The following CPXM2 variants were observed in gnomAD, a reference collection of about 807,000 sequenced individuals.
The protein encoded by CPXM2 is carboxypeptidase X, M14 family member 2, also known as inactive carboxypeptidase-like protein X2.
Under a neutral mutation model 86.1 loss-of-function variants are expected in CPXM2, and 66 were observed. The observed-to-expected ratio is 0.77, with a 90% CI of 0.63 to 0.94. The LOEUF is 0.94. CPXM2 is among the 40% of genes least tolerant of loss of function. The pLI, the probability that CPXM2 is intolerant of heterozygous loss-of-function variation, is 0.00. For synonymous variants in CPXM2, 388 were observed against 400.2 expected, an observed-to-expected ratio of 0.97 and a Z score of 0.36; for missense variants, 948 against 1,026.3, an observed-to-expected ratio of 0.92 and a Z score of 1.04.
intron 11 of CPXM2, 101 bp downstream of exon 11, chr10:123,761,771 T>TTAGTGACAACAGGACAG (rs1269654730): frequency 1.6e-6 from 2 of 1,215,392 alleles, no homozygotes; most frequent in Admixed American, 4.8e-5. Flanking sequence ...CAGCCACCAC[T>TTAGTGACAACAGGACAG]TAGTGACAAC....
At chr10:123,775,168 A>G (rs1003061248) in intron 7 of CPXM2, among the ~76,000 whole-genome samples, 1 of 152,214 alleles carries the variant, frequency 6.6e-6, no homozygotes, top group African/African-American at 2.4e-5. Flanking sequence ...TAGAGAAATG[A>G]GAACCAGTGC....
intron 4 of CPXM2, among the ~76,000 whole-genome samples, chr10:123,821,551 G>A (rs922720967): frequency 3.3e-5 from 5 of 152,186 alleles, no homozygotes; most frequent in South Asian, 2.1e-4. Context: ...CCACAGCACC[G>A]TGGAATGTCA....
chr10:123,819,097 C>T (rs1360816525), intron 4 of CPXM2, among the ~76,000 whole-genome samples: 1 of 152,144 alleles, frequency 6.6e-6, no homozygotes, highest in Non-Finnish European at 1.5e-5. Flanking sequence ...GCTCCTCCTA[C>T]CTTTAAGTCA....
intron 2 of CPXM2, among the ~76,000 whole-genome samples, chr10:123,916,935 G>A (rs577727482): frequency 4.6e-5 from 7 of 152,154 alleles, no homozygotes; most frequent in South Asian, 2.1e-4. Context: ...ATGCCACCAC[G>A]CCCAGCTCTG....
At chr10:123,783,025 C>A (rs1474413107) in intron 6 of CPXM2, among the ~76,000 whole-genome samples, 1 of 152,234 alleles carries the variant, frequency 6.6e-6, no homozygotes, top group Non-Finnish European at 1.5e-5. Flanking sequence ...ACACTCCCAC[C>A]AGCTCCAAGA....
At chr10:123,880,820 T>C (rs375558092) in intron 1 of CPXM2, among the ~76,000 whole-genome samples, 33 of 102,050 alleles carry the variant, frequency 3.2e-4, no homozygotes, top group East Asian at 1.1e-3. Context: ...CAGAGCGAGA[T>C]TCCGTCTCAA....
rs550823341 is a variant in CPXM2, at chr10:123,908,671, A to G, written n.175-28362T>C. ...GGAATGGCTGCACAGGGACCAGACA[A>G]CTGAGCAGAGTTCTCCAGAACAGCT... On this transcript the variant is annotated intron_variant and non_coding_transcript_variant, in intron 2 of 19. Transcript: ENST00000368854. Among the ~76,000 whole-genome samples, 4 of 152,254 alleles carry G rather than the reference A, an allele frequency of 2.6e-5. No individual in the cohort carries two copies. The East Asian group carries it at 7.7e-4, about 29-fold the overall frequency.
At chr10:123,834,045 G>C (rs544077266) in intron 4 of CPXM2, among the ~76,000 whole-genome samples, 4 of 152,268 alleles carry the variant, frequency 2.6e-5, no homozygotes, top group African/African-American at 7.2e-5. Flanking sequence ...AGAAACTGAG[G>C]CCCGAAAGGC....
upstream of CPXM2, among the ~76,000 whole-genome samples, chr10:123,943,234 T>C (rs1415266393): frequency 6.6e-6 from 1 of 152,268 alleles, no homozygotes; most frequent in African/African-American, 2.4e-5. Context: ...CTTTCCTCAC[T>C]AAATAGTAAG....
In CPXM2 at chr10:123,763,939, C is replaced by T. The variant is rs183412487; in HGVS notation, c.1480-1770G>A. On this transcript the variant is annotated intron_variant, in intron 10 of 13. Transcript: ENST00000241305. ...ATCATTATGCCAGTGTATACTCACC[C>T]GCAATGTATAAGAAATCTACTGTCC... Among the ~76,000 whole-genome samples the T allele has an allele frequency of 4.6e-5, 7 of 152,222 alleles. No homozygotes were observed. The East Asian group carries it at 5.8e-4, about 13-fold the overall frequency.
chr10:123,872,519 A>G (rs1365361878), intron 2 of CPXM2, among the ~76,000 whole-genome samples: 1 of 152,166 alleles, frequency 6.6e-6, no homozygotes, highest in African/African-American at 2.4e-5. Context: ...AAGCAGGAGT[A>G]ATGGTTACTG....
intron 4 of CPXM2, among the ~76,000 whole-genome samples, chr10:123,830,054 A>G (rs60413133): frequency 0.05 from 7,565 of 152,206 alleles, 605 homozygotes; most frequent in African/African-American, 0.17. Flanking sequence ...TAAATGTACT[A>G]GAAGAAAATA....
At position 123,798,110 on chromosome 10, in the gene CPXM2, C is replaced by T. The variant is rs1165211004; in HGVS notation, c.755G>A (p.Ser252Asn). Reference protein sequence around the residue: ...GSGDMIFEGNSEKEIPVLNEL... With the variant: ...GSGDMIFEGNNEKEIPVLNEL... The stretch of plus-strand genomic sequence containing the variant: ...ATTGAGAACAGGGATCTCCTTCTCA[C>T]TGTTTCCCTCAAATATCTATTTATG... The change falls in exon 6 of 14, where the codon AGT (serine) becomes AAT (asparagine). Residue 252 changes from serine to asparagine, a missense_variant. Physicochemically the swap from Ser to Asn is conservative, Grantham distance 46. Coordinates refer to ENST00000241305, the MANE Select transcript of CPXM2 (RefSeq NM_198148.3). The T allele has an allele frequency of 1.9e-6, 3 of 1,605,600 alleles. No homozygotes were observed. In the African/African-American group the frequency reaches 4.0e-5, roughly 22 times the overall value.
At chr10:123,872,808 A>G (rs1944914634) in intron 2 of CPXM2, among the ~76,000 whole-genome samples, 1 of 152,202 alleles carries the variant, frequency 6.6e-6, no homozygotes, top group Non-Finnish European at 1.5e-5. Flanking sequence ...CATCCAAAAC[A>G]CTCAGAGAAA....
chr10:123,812,645 C>T (rs909568007), intron 4 of CPXM2, among the ~76,000 whole-genome samples: 1 of 152,196 alleles, frequency 6.6e-6, no homozygotes, highest in Non-Finnish European at 1.5e-5. Flanking sequence ...GGTGAGTGAG[C>T]ATTACCAACT....
chr10:123,760,224 G>A (rs1846302380), intron 11 of CPXM2, among the ~76,000 whole-genome samples: 1 of 152,212 alleles, frequency 6.6e-6, no homozygotes, highest in African/African-American at 2.4e-5. Flanking sequence ...GAATCCAGGT[G>A]TGCCCGTGCC....
intron 6 of CPXM2, among the ~76,000 whole-genome samples, chr10:123,791,860 G>A (rs1847214358): frequency 6.6e-6 from 1 of 152,212 alleles, no homozygotes; most frequent in South Asian, 2.1e-4. Context: ...GGCGAGCCCT[G>A]AACAAATGCC....
chr10:123,827,248 T>C (rs1475606114), intron 4 of CPXM2, among the ~76,000 whole-genome samples: 2 of 152,186 alleles, frequency 1.3e-5, no homozygotes, highest in African/African-American at 4.8e-5. Flanking sequence ...ATCAGTCTCT[T>C]AGACAATCTT....
At chr10:123,775,956 C>T (rs1011195103) in intron 7 of CPXM2, among the ~76,000 whole-genome samples, 1 of 152,180 alleles carries the variant, frequency 6.6e-6, no homozygotes, top group African/African-American at 2.4e-5. Context: ...TACATTTCTT[C>T]TTGAAAGGGG....
Sources: gnomAD v4.1 joint callset for allele counts (sites outside exome capture counted in the v4.1 genomes callset) on GRCh38, gnomAD v4.1.1 for gene constraint, MANE v1.5 for transcripts, NCBI Gene and HGNC (gene_info 2026-07-23, HGNC 2026-07-21) for gene names.